The following KSR2 variants were observed in gnomAD, a reference collection of about 807,000 sequenced individuals.
KSR2 encodes the protein kinase suppressor of ras 2.
A neutral mutation model predicts 107.8 loss-of-function variants in KSR2; 25 were observed. That is an observed-to-expected ratio of 0.23 (90% CI 0.17 to 0.32). The LOEUF (loss-of-function observed/expected upper bound fraction) is 0.32. KSR2 is among the 10% of genes least tolerant of loss of function. KSR2 has a pLI of 1.00. For missense variants in KSR2, 887 were observed against 1,268.9 expected (o/e 0.70, Z 4.57); for synonymous variants, 480 against 507.0 (o/e 0.95, Z 0.71).
intron 4 of KSR2, among the ~76,000 whole-genome samples, chr12:117,669,918 A>G (rs1884832996): frequency 6.6e-6 from 1 of 151,706 alleles, no homozygotes; most frequent in East Asian, 1.9e-4. Context: ...AAAGAAAGTG[A>G]GGGGCTTAGC....
intron 3 of KSR2, among the ~76,000 whole-genome samples, chr12:117,781,488 G>C (rs1174573257): frequency 6.6e-6 from 1 of 152,168 alleles, no homozygotes; most frequent in Non-Finnish European, 1.5e-5. Flanking sequence ...CAGAGAAGAG[G>C]TGGACAAGTC....
intron 1 of KSR2, among the ~76,000 whole-genome samples, chr12:117,964,908 G>A (rs749846830): frequency 8.5e-5 from 13 of 152,160 alleles, no homozygotes; most frequent in Non-Finnish European, 1.2e-4. Flanking sequence ...GGCTGCCATC[G>A]CTGGCTGTCC....
chr12:117,707,920 T>A (rs1593153547), intron 4 of KSR2, among the ~76,000 whole-genome samples: 1 of 152,226 alleles, frequency 6.6e-6, no homozygotes, highest in South Asian at 2.1e-4. Flanking sequence ...CTTACCATAC[T>A]GGATCCAAGA....
intron 9 of KSR2, among the ~76,000 whole-genome samples, chr12:117,552,347 C>T (rs569890445): frequency 7.2e-5 from 11 of 152,330 alleles, no homozygotes; most frequent in African/African-American, 2.2e-4. Context: ...ACTACAAATC[C>T]GTGGACGCTT....
chr12:117,767,083 G>T (rs1279830476), intron 3 of KSR2, among the ~76,000 whole-genome samples: 1 of 150,936 alleles, frequency 6.6e-6, no homozygotes, highest in Non-Finnish European at 1.5e-5. Flanking sequence ...ACAGGCATGA[G>T]CCACTGCGCC....
At chr12:117,723,280 G>A (rs972219238) in intron 4 of KSR2, among the ~76,000 whole-genome samples, 1 of 150,900 alleles carries the variant, frequency 6.6e-6, no homozygotes, top group African/African-American at 2.4e-5. Flanking sequence ...GACATTCCAC[G>A]TATCTTAATT....
chr12:117,588,071 C>A (rs1253658004), intron 5 of KSR2, among the ~76,000 whole-genome samples: 1 of 152,174 alleles, frequency 6.6e-6, no homozygotes, highest in Admixed American at 6.5e-5. Context: ...ATCATGATCC[C>A]ACCCACAGCC....
At chr12:117,868,422 C>CAAA (rs200898458) in intron 1 of KSR2, among the ~76,000 whole-genome samples, 13 of 125,910 alleles carry the variant, frequency 1.0e-4, no homozygotes, top group African/African-American at 3.5e-4. Flanking sequence ...GACTCTGTCT[C>CAAA]AAAAAAAAAA....
chr12:117,517,856 A>G (rs1874478150), intron 14 of KSR2: 1 of 455,942 alleles, frequency 2.2e-6, no homozygotes, highest in African/African-American at 2.0e-5. Flanking sequence ...AACTGGCCTG[A>G]AGAGAAACAA....
At chr12:117,885,968 C>T (rs1371761368) in intron 1 of KSR2, among the ~76,000 whole-genome samples, 2 of 151,840 alleles carry the variant, frequency 1.3e-5, no homozygotes, top group East Asian at 3.9e-4. Context: ...GGGTGGCGGA[C>T]GCCTGTAGCC....
chr12:117,936,527 T>TAGTAGTAGTAGTAGTAGTAG (rs1566089596), intron 1 of KSR2, among the ~76,000 whole-genome samples: 2 of 119,596 alleles, frequency 1.7e-5, no homozygotes, highest in South Asian at 3.1e-4. Context: ...ATTATTATTA[T>TAGTAGTAGTAGTAGTAGTAG]TATTATTAGT....
rs1870640016 is a variant in KSR2, at chr12:117,456,654, G to T, written c.*10545C>A. The T allele has an allele frequency of 1.3e-5, 2 of 152,204 alleles. No individual in the cohort carries two copies. Among genetic ancestry groups the T allele is most frequent in the African/African-American group, 4.8e-5 (2 of 41,432 alleles). 9.4% of individuals were successfully genotyped at this position (152,204 alleles called of 1,614,324 possible). A position where few individuals can be genotyped will look rare whatever the true frequency, so the allele number is the denominator to read the frequency against. ...TCCCAAAGCAATTTTCCAAGATCTG[G>T]TCTTTTGCAGTGCCCGACTCGTCCT... is the stretch of plus-strand genomic sequence containing the variant. On this transcript the variant is annotated 3_prime_UTR_variant, in exon 20 of 20. Transcript: ENST00000339824.
chr12:117,457,104 T>C lies in KSR2; in HGVS notation c.*10095A>G, dbSNP rs554822194. On this transcript the variant is annotated 3_prime_UTR_variant, in exon 20 of 20. Transcript: ENST00000339824. Reference sequence around the variant, plus strand: ...GCTGTGGAAGGATGGAGAGAATGACTGGAGATTTCAGCCCCTGTCCGTGCA... The same window carrying C: ...GCTGTGGAAGGATGGAGAGAATGACCGGAGATTTCAGCCCCTGTCCGTGCA... The C allele has an allele frequency of 6.6e-6, 1 of 152,356 alleles. No homozygotes were observed. Among genetic ancestry groups the C allele is most frequent in the South Asian group, 2.1e-4 (1 of 4,830 alleles). 9.4% of individuals were successfully genotyped at this position (152,356 alleles called of 1,614,324 possible).
At chr12:117,628,587 G>T (rs776192876) in intron 5 of KSR2, among the ~76,000 whole-genome samples, 1 of 152,112 alleles carries the variant, frequency 6.6e-6, no homozygotes, top group Non-Finnish European at 1.5e-5. Context: ...CGTCCCAGAG[G>T]GGGAGCCACC....
intron 1 of KSR2, among the ~76,000 whole-genome samples, chr12:117,902,399 G>T (rs1894712386): frequency 6.6e-6 from 1 of 151,382 alleles, no homozygotes; most frequent in Non-Finnish European, 1.5e-5. Context: ...TGGAGGCTGA[G>T]GCAGGAGAAT....
At chr12:117,563,607 C>T (rs965774571) in intron 7 of KSR2, among the ~76,000 whole-genome samples, 2 of 152,276 alleles carry the variant, frequency 1.3e-5, no homozygotes, top group African/African-American at 4.8e-5. Flanking sequence ...CAGGTGCTAT[C>T]TTTATTATGG....
intron 3 of KSR2, among the ~76,000 whole-genome samples, chr12:117,806,348 C>G (rs987355770): frequency 6.6e-6 from 1 of 152,148 alleles, no homozygotes. Context: ...AGGAGTGAAG[C>G]CCAGGCAGCC....
chr12:117,839,793 T>C (rs1892388139), intron 3 of KSR2, among the ~76,000 whole-genome samples: 1 of 152,128 alleles, frequency 6.6e-6, no homozygotes, highest in African/African-American at 2.4e-5. Flanking sequence ...AAAGGGACGG[T>C]GAATCAGTGA....
intron 4 of KSR2, among the ~76,000 whole-genome samples, chr12:117,709,945 C>T (rs541636322): frequency 2.8e-4 from 37 of 129,950 alleles, no homozygotes; most frequent in Non-Finnish European, 4.0e-4. Context: ...AGATACTAAG[C>T]GCACTTGATT....
Sources: gnomAD v4.1 joint callset for allele counts (sites outside exome capture counted in the v4.1 genomes callset) on GRCh38, gnomAD v4.1.1 for gene constraint, MANE v1.5 for transcripts, NCBI Gene and HGNC (gene_info 2026-07-23, HGNC 2026-07-21) for gene names.